The following SCFD2 variants were observed in gnomAD, a reference collection of about 807,000 sequenced individuals.
SCFD2 encodes the protein sec1 family domain-containing protein 2.
In SCFD2, 54 loss-of-function variants were observed where a neutral mutation model predicts 58.9. That is an observed-to-expected ratio of 0.92 (90% CI 0.74 to 1.15). The LOEUF (loss-of-function observed/expected upper bound fraction) is 1.15. Among genes scored for constraint, SCFD2 ranks in the 50% most tolerant of loss-of-function variants. The probability of loss-of-function intolerance (pLI) is 0.00; values close to 1 mark genes in which losing one functional copy is unlikely to be tolerated. For synonymous variants in SCFD2, 321 were observed against 335.9 expected (o/e 0.96, Z 0.49); for missense variants, 805 against 836.6 (o/e 0.96, Z 0.47).
chr4:53,249,065 T>C (rs1438916880), intron 4 of SCFD2, among the ~76,000 whole-genome samples: 1 of 152,142 alleles, frequency 6.6e-6, no homozygotes, highest in African/African-American at 2.4e-5. Context: ...GAAAAAAATT[T>C]AGACGATTGT....
At chr4:53,345,763 A>C (rs1027336180) in intron 2 of SCFD2, among the ~76,000 whole-genome samples, 1 of 152,210 alleles carries the variant, frequency 6.6e-6, no homozygotes, top group African/African-American at 2.4e-5. Flanking sequence ...AATACTATGC[A>C]TCCATAAAAA....
intron 5 of SCFD2, among the ~76,000 whole-genome samples, chr4:53,007,405 G>GGAAA (rs1246959079): frequency 2.6e-5 from 3 of 116,770 alleles, no homozygotes; most frequent in African/African-American, 1.0e-4. Flanking sequence ...AAGGAAGGAA[G>GGAAA]GGAGGGAGGG....
intron 5 of SCFD2, among the ~76,000 whole-genome samples, chr4:53,048,475 C>A (rs1452115799): frequency 6.6e-6 from 1 of 152,166 alleles, no homozygotes; most frequent in East Asian, 1.9e-4. Context: ...GTGGCTCATG[C>A]CTGTAATCCC....
intron 5 of SCFD2, among the ~76,000 whole-genome samples, chr4:53,064,728 TC>T (rs1723608939): frequency 6.6e-6 from 1 of 152,140 alleles, no homozygotes; most frequent in Non-Finnish European, 1.5e-5. Context: ...TCTTAAAATA[TC>T]TCCTTATGAG....
At chr4:53,250,703 A>G (rs1730331878) in intron 4 of SCFD2, among the ~76,000 whole-genome samples, 2 of 152,238 alleles carry the variant, frequency 1.3e-5, no homozygotes, top group African/African-American at 2.4e-5. Context: ...CAACGACAAC[A>G]AAGACACAAC....
chr4:52,898,931 G>T (rs979115076), intron 7 of SCFD2, among the ~76,000 whole-genome samples: 2 of 152,086 alleles, frequency 1.3e-5, no homozygotes, highest in African/African-American at 4.8e-5. Flanking sequence ...TTTGATCTTT[G>T]TTGCTTTAGA....
intron 4 of SCFD2, among the ~76,000 whole-genome samples, chr4:53,169,368 T>TA (rs1343429665): frequency 1.3e-5 from 2 of 151,820 alleles, no homozygotes; most frequent in Non-Finnish European, 2.9e-5. Context: ...ACTCAAAAAA[T>TA]AAAAAAATAA....
intron 5 of SCFD2, among the ~76,000 whole-genome samples, chr4:52,985,482 C>A (rs1320527982): frequency 6.6e-6 from 1 of 151,972 alleles, no homozygotes; most frequent in Non-Finnish European, 1.5e-5. Context: ...ATGCTAATAT[C>A]ATCTTTGTAT....
chr4:53,308,114 T>C (rs1732573078), intron 3 of SCFD2, among the ~76,000 whole-genome samples: 1 of 152,230 alleles, frequency 6.6e-6, no homozygotes, highest in African/African-American at 2.4e-5. Flanking sequence ...ACCTCAGCTT[T>C]GTGGTCTCAG....
At chr4:53,014,350 T>A (rs114720101) in intron 5 of SCFD2, among the ~76,000 whole-genome samples, 1,955 of 152,320 alleles carry the variant, frequency 0.013, 40 homozygotes, top group African/African-American at 0.045. Flanking sequence ...GGGATTATAG[T>A]CAGAGTCTCT....
chr4:53,211,092 A>C (rs1432439820), intron 4 of SCFD2, among the ~76,000 whole-genome samples: 1 of 151,752 alleles, frequency 6.6e-6, no homozygotes, highest in Non-Finnish European at 1.5e-5. Context: ...AAATACAAAA[A>C]ATTAGCCAGG....
intron 5 of SCFD2, among the ~76,000 whole-genome samples, chr4:52,923,355 AT>A (rs1719786144): frequency 6.6e-6 from 1 of 152,006 alleles, no homozygotes; most frequent in Non-Finnish European, 1.5e-5. Flanking sequence ...CAGGCCGCGT[AT>A]AATCCGAGCT....
At chr4:52,874,104 G>A in intron 8 of SCFD2, 43 bp from the exon 9 acceptor site, 3 of 1,303,722 alleles carry the variant, frequency 2.3e-6, no homozygotes, top group Non-Finnish European at 3.3e-6. Flanking sequence ...GAATTAGGGG[G>A]GCCAATCTCA....
At chr4:52,940,766 T>C (rs999121359) in intron 5 of SCFD2, among the ~76,000 whole-genome samples, 6 of 152,164 alleles carry the variant, frequency 3.9e-5, no homozygotes, top group South Asian at 2.1e-4. Flanking sequence ...TAAGCACTTA[T>C]AGGAGAAGAC....
chr4:52,934,198 C>T (rs1018630466), intron 5 of SCFD2, among the ~76,000 whole-genome samples: 1 of 152,320 alleles, frequency 6.6e-6, no homozygotes, highest in South Asian at 2.1e-4. Flanking sequence ...AGCATACAAC[C>T]TCCTTCATTA....
In SCFD2 at chr4:53,145,322, T is replaced by C. The variant is rs1726292464; in HGVS notation, c.1561+11A>G. On this transcript the variant is annotated intron_variant, in intron 5 of 8. Transcript: ENST00000401642. The stretch of plus-strand genomic sequence containing the variant: ...TGATGTTTGTGTCCTGTATCTTTGT[T>C]AGACACTCACCCGTAATTTTTTGCA... 3 of 1,613,634 alleles carry C rather than the reference T, an allele frequency of 1.9e-6. No individual in the cohort carries two copies. In the African/African-American group the frequency reaches 4.0e-5, roughly 22 times the overall value.
chr4:53,322,763 C>T (rs1733064699), intron 2 of SCFD2, among the ~76,000 whole-genome samples: 1 of 152,212 alleles, frequency 6.6e-6, no homozygotes, highest in Non-Finnish European at 1.5e-5. Flanking sequence ...AAAGGATATA[C>T]TTTGAGTTCC....
intron 5 of SCFD2, among the ~76,000 whole-genome samples, chr4:53,029,903 G>A (rs1277709114): frequency 6.6e-6 from 1 of 152,010 alleles, no homozygotes; most frequent in Non-Finnish European, 1.5e-5. Context: ...GACTCCTTGT[G>A]GTTTTAGGTT....
intron 3 of SCFD2, among the ~76,000 whole-genome samples, chr4:53,296,219 C>G (rs1381708541): frequency 5.9e-5 from 9 of 152,130 alleles, no homozygotes; most frequent in Non-Finnish European, 1.2e-4. Flanking sequence ...ATGGTACCAG[C>G]TCCTCTTTGT....
Sources: allele counts gnomAD v4.1 joint callset (sites outside exome capture counted in the v4.1 genomes callset), GRCh38; gene constraint gnomAD v4.1.1; transcripts MANE v1.5; gene names NCBI Gene and HGNC (gene_info 2026-07-23, HGNC 2026-07-21).